The following WDR90 variants were observed in gnomAD, a reference collection of about 807,000 sequenced individuals.
WDR90 encodes WD repeat-containing protein 90.
A neutral mutation model predicts 195.2 loss-of-function variants in WDR90; 238 were observed. The ratio of observed to expected loss-of-function variants is 1.22; its 90% CI spans 1.10 to 1.36. The LOEUF (loss-of-function observed/expected upper bound fraction) is 1.36. WDR90 is among the 40% of genes most tolerant of loss of function. The probability of loss-of-function intolerance (pLI) is 0.00; values close to 1 mark genes in which losing one functional copy is unlikely to be tolerated. For synonymous variants in WDR90, 1,265 were observed against 1,052.4 expected (o/e 1.20, Z -3.91); for missense variants, 2,734 against 2,439.5 (o/e 1.12, Z -2.54).
Position 662,199 on chromosome 16 carries a change from T to C in WDR90, c.4034-21T>C, listed in dbSNP as rs373311051. 247 of 1,529,198 alleles carry C rather than the reference T, an allele frequency of 1.6e-4. 2 individuals carry two copies. The African/African-American group carries it at 2.9e-3, about 18-fold the overall frequency. 94.7% of individuals were successfully genotyped at this position (1,529,198 alleles called of 1,614,324 possible). ...CTCTGGGAAGGCAGCCGTGGCCCCT[T>C]ATGGCTCCTCCTGCCCCTAGGGCTG... On this transcript the variant is annotated intron_variant, in intron 32 of 40. Coordinates refer to ENST00000293879, the MANE Select transcript of WDR90 (RefSeq NM_145294.5).
intron 19 of WDR90, 56 bp from the exon 20 acceptor site, chr16:657,035 C>G (rs1009536332): frequency 1.9e-6 from 3 of 1,583,696 alleles, no homozygotes; most frequent in Non-Finnish European, 2.6e-6. Context: ...GTCGAGGGAA[C>G]CCATGGTACC....
chr16:667,179 C>T (rs1004141524), intron 40 of WDR90, among the ~76,000 whole-genome samples, 190 bp downstream of exon 40: 9 of 152,286 alleles, frequency 5.9e-5, no homozygotes, highest in East Asian at 1.9e-4. Context: ...CCAGGCACAG[C>T]GCCCAGCACA....
rs566783430 is a variant in WDR90 at position 653,773 on chromosome 16, C to T, written c.1407C>T (p.Cys469=). 7 of 1,613,128 alleles carry T rather than the reference C, an allele frequency of 4.3e-6. No homozygotes were observed. The highest frequency in any genetic ancestry group is 1.1e-5 in the South Asian group (1 of 91,092). ...LSFSDSGALL[C]GVGKDHHGRT... ...TCTCTGACAGCGGGGCCCTTCTCTG[C>T]GGGGTTGGCAAGGACCACCACGGGA... is the stretch of plus-strand genomic sequence containing the variant. Residue 469 remains cysteine (C), a synonymous_variant, in exon 13 of 41, where the codon TGC becomes TGT. Coordinates refer to ENST00000293879, the MANE Select transcript of WDR90 (RefSeq NM_145294.5).
chr16:665,674 C>T lies in WDR90; in HGVS notation c.4312-5C>T. ...CACCCCCAGCCTAGCTACGGCTTCC[C>T]CCAGGTGAACGAGGTGGTCTTCAGC... On this transcript the variant is annotated splice_polypyrimidine_tract_variant and splice_region_variant and intron_variant, in intron 34 of 40. Transcript: ENST00000293879. 1 of 1,612,654 alleles carries T rather than the reference C, an allele frequency of 6.2e-7. No individual in the cohort carries two copies. The highest frequency in any genetic ancestry group is 8.5e-7 in the Non-Finnish European group (1 of 1,179,906).
chr16:658,035 G>T (rs1448485463), intron 21 of WDR90, 143 bp downstream of exon 21: 8 of 1,451,256 alleles, frequency 5.5e-6, no homozygotes, highest in Non-Finnish European at 7.3e-6. Context: ...AGCCATGTGG[G>T]GCCCACGTGC....
rs755255405 is a variant in WDR90, at chr16:666,713, C to T, written c.4925C>T (p.Pro1642Leu). ...HLPPSLAAFC[P>L]WDGALLMYVG... Reference sequence around the variant, plus strand: ...CCACCCTCCCTCGCTGCCTTCTGCCCTTGGGATGGGGCGCTCCTGATGTAC... The same window carrying T: ...CCACCCTCCCTCGCTGCCTTCTGCCTTTGGGATGGGGCGCTCCTGATGTAC... The change falls in exon 39 of 41, where the codon CCT (proline) becomes CTT (leucine). Residue 1642 changes from proline (P) to leucine (L), a missense_variant. By Grantham distance (98) the Pro-to-Leu change is moderately conservative (BLOSUM62 -3). Coordinates refer to ENST00000293879, the MANE Select transcript of WDR90 (RefSeq NM_145294.5). 1.6e-5 allele frequency: 26 copies of T among 1,612,734 alleles called. No individual in the cohort carries two copies. The highest frequency in any genetic ancestry group is 1.2e-4 in the Admixed American group (7 of 60,000).
intron 27 of WDR90, 63 bp from the exon 28 acceptor site, chr16:660,549 C>T (rs1399049314): frequency 4.0e-6 from 6 of 1,493,364 alleles, no homozygotes; most frequent in Middle Eastern, 1.7e-4. Context: ...CTCCCATGTG[C>T]AGGCTTTGGG....
At chr16:665,571 A>G (rs1232097899) in intron 34 of WDR90, 108 bp from the exon 35 acceptor site, 2 of 1,568,788 alleles carry the variant, frequency 1.3e-6, no homozygotes, top group Non-Finnish European at 1.7e-6. Flanking sequence ...CCAGAGGCAC[A>G]TGCTCTGGTT....
chr16:652,408 C>CG, intron 9 of WDR90, 59 bp from the exon 10 acceptor site: 1 of 1,542,112 alleles, frequency 6.5e-7, no homozygotes, highest in Non-Finnish European at 8.8e-7. Flanking sequence ...CGGAGTTGGT[C>CG]GGGCATTCTG....
rs767126002 is a variant in WDR90, at chr16:656,776, C to T, written c.2247C>T (p.Thr749=). ...TSSEDAPCAV[T]FHPTRPTFFC... ...CAGAGGACGCCCCGTGCGCTGTCAC[C>T]TTCCACCCCACAAGGCCAACCTTTT... Residue 749 remains threonine, a synonymous_variant, in exon 19 of 41, where the codon ACC becomes ACT. Coordinates refer to ENST00000293879, the MANE Select transcript of WDR90 (RefSeq NM_145294.5). The T allele has an allele frequency of 3.1e-6, 5 of 1,613,194 alleles. No homozygotes were observed. In the African/African-American group the frequency reaches 4.0e-5, roughly 13 times the overall value.
In WDR90 at chr16:657,867, T is replaced by G; in HGVS notation, c.2579T>G (p.Val860Gly). The change falls in exon 21 of 41, where the codon GTC (valine) becomes GGC (glycine). Residue 860 changes from valine (V) to glycine (G), a missense_variant. By Grantham distance (109) the Val-to-Gly change is moderately radical. Coordinates refer to ENST00000293879, the MANE Select transcript of WDR90 (RefSeq NM_145294.5). Reference sequence around the variant, plus strand: ...GGACCCTCCAGGTGCACAGTGACAGTCATGGGCTCGGCCTCCCTTGATGAG... The same window carrying G: ...GGACCCTCCAGGTGCACAGTGACAGGCATGGGCTCGGCCTCCCTTGATGAG... ...FVGPSRCTVTVMGSASLDELL... is the reference protein window; with the variant it reads ...FVGPSRCTVTGMGSASLDELL... 6.3e-7 allele frequency: 1 copy of G among 1,587,458 alleles called. No homozygotes were observed. Among genetic ancestry groups the G allele is most frequent in the Non-Finnish European group, 8.6e-7 (1 of 1,167,108 alleles).
At position 662,505 on chromosome 16, in the gene WDR90, C is replaced by G; in HGVS notation, c.4145+174C>G. ...GGGCCTCACTGGCTGCTGTCGAGTA[C>G]GGGCATGGGCCCAGAAGCCCCAGCT... On this transcript the variant is annotated intron_variant, in intron 33 of 40. Coordinates refer to ENST00000293879, the MANE Select transcript of WDR90 (RefSeq NM_145294.5). The G allele has an allele frequency of 2.5e-6, 3 of 1,177,570 alleles. No individual in the cohort carries two copies. The South Asian group carries it at 4.6e-5, about 18-fold the overall frequency. The allele number at this position is 1,177,570 out of a possible 1,614,324, so 72.9% of individuals were successfully genotyped here.
chr16:652,093 C>T, intron 9 of WDR90, 54 bp downstream of exon 9: 1 of 1,520,692 alleles, frequency 6.6e-7, no homozygotes, highest in Admixed American at 2.0e-5. Context: ...GCTGGGGCAG[C>T]TGGTAGCCCG....
chr16:666,019 T>C lies in WDR90; in HGVS notation c.4504T>C (p.Tyr1502His), dbSNP rs923935769. ...RPEQQRLAAGYGDGSLRIFSV... is the reference protein window; with the variant it reads ...RPEQQRLAAGHGDGSLRIFSV... ...TGAGCAGCAGCGGCTAGCGGCTGGC[T>C]ACGGTGACGGCTCCCTGCGCATCTT... Residue 1502 changes from tyrosine (Y) to histidine (H), a missense_variant, in exon 36 of 41, where the codon TAC (tyrosine) becomes CAC (histidine). Transcript: ENST00000293879. 3 of 1,604,110 alleles carry C rather than the reference T, an allele frequency of 1.9e-6. No homozygotes were observed. Among genetic ancestry groups the C allele is most frequent in the Non-Finnish European group, 2.5e-6 (3 of 1,179,782 alleles).
At chr16:651,365 T>C in intron 7 of WDR90, 99 bp downstream of exon 7, 2 of 1,369,424 alleles carry the variant, frequency 1.5e-6, no homozygotes, top group South Asian at 1.2e-5. Context: ...AGTGGTGTGC[T>C]GGCTGCAGCT....
chr16:658,093 G>T, intron 21 of WDR90, 90 bp from the exon 22 acceptor site: 1 of 1,517,450 alleles, frequency 6.6e-7, no homozygotes, highest in Non-Finnish European at 8.8e-7. Flanking sequence ...CCGAGTGCGT[G>T]TCCCCGGGAC....
Position 659,142 on chromosome 16 carries a change from C to G in WDR90, c.3052+16C>G. On this transcript the variant is annotated intron_variant, in intron 25 of 40. Coordinates refer to ENST00000293879, the MANE Select transcript of WDR90 (RefSeq NM_145294.5). ...TGCAAGACAGGTGAGTGGCTGTGCT[C>G]AGCTGGGGTGCAGGTGCTGCGCTGA... is the stretch of plus-strand genomic sequence containing the variant. The G allele has an allele frequency of 6.2e-7, 1 of 1,611,236 alleles. No homozygotes were observed. The highest frequency in any genetic ancestry group is 8.5e-7 in the Non-Finnish European group (1 of 1,179,822).
In WDR90 at chr16:661,653, T is replaced by C. The variant is rs1206622971; in HGVS notation, c.3730T>C (p.Ser1244Pro). The C allele has an allele frequency of 6.2e-7, 1 of 1,610,320 alleles. No individual in the cohort carries two copies. Among genetic ancestry groups the C allele is most frequent in the Admixed American group, 1.7e-5 (1 of 59,758 alleles). The change falls in exon 31 of 41, where the codon TCC becomes CCC. Residue 1244 changes from serine (S) to proline (P), a missense_variant. Physicochemically the swap from Ser to Pro is moderately conservative, Grantham distance 74. Coordinates refer to ENST00000293879, the MANE Select transcript of WDR90 (RefSeq NM_145294.5). Reference sequence around the variant, plus strand: ...GGGCACGGCCACCTATGACCTCGTGTCCTCCACCCGCCTCCCGGAGCCGGT... The same window carrying C: ...GGGCACGGCCACCTATGACCTCGTGCCCTCCACCCGCCTCCCGGAGCCGGT... ...LWGTATYDLV[S>P]STRLPEPVHG...
At chr16:652,181 G>T in intron 9 of WDR90, 142 bp downstream of exon 9, 1 of 1,060,848 alleles carries the variant, frequency 9.4e-7, no homozygotes, top group Non-Finnish European at 1.3e-6. Flanking sequence ...CAGAGCTGGC[G>T]GGAGGCGGCT....
Sources: gnomAD v4.1 joint callset for allele counts (sites outside exome capture counted in the v4.1 genomes callset) on GRCh38, gnomAD v4.1.1 for gene constraint, MANE v1.5 for transcripts, NCBI Gene and HGNC (gene_info 2026-07-23, HGNC 2026-07-21) for gene names.